Variants in AKNA observed in about 807,000 individuals in gnomAD.
AKNA encodes AT-hook transcription factor.
In AKNA, 67 loss-of-function variants were observed where a neutral mutation model predicts 138.8. The observed-to-expected ratio is 0.48, with a 90% CI of 0.40 to 0.59. AKNA has a LOEUF of 0.59. AKNA is among the 20% of genes least tolerant of loss of function. AKNA has a pLI of 0.00. For missense variants in AKNA, 1,813 were observed against 1,880.4 expected, an observed-to-expected ratio of 0.96 and a Z score of 0.66; for synonymous variants, 737 against 754.4, an observed-to-expected ratio of 0.98 and a Z score of 0.38.
chr9:114,366,149 C>T (rs776255810), intron 6 of AKNA, among the ~76,000 whole-genome samples: 1 of 151,838 alleles, frequency 6.6e-6, no homozygotes, highest in Non-Finnish European at 1.5e-5. Context: ...CATGGTGGCG[C>T]GTGCCTGTAA....
chr9:114,359,468 T>C, intron 11 of AKNA, 126 bp downstream of exon 11: 4 of 1,555,384 alleles, frequency 2.6e-6, no homozygotes, highest in Non-Finnish European at 3.5e-6. Flanking sequence ...CATTCCACAC[T>C]TGAAGAGGCA....
In AKNA at chr9:114,381,303, C is replaced by G. The variant is rs1477903314; in HGVS notation, c.31G>C (p.Ala11Pro). 2.5e-6 allele frequency: 4 copies of G among 1,606,076 alleles called. No individual in the cohort carries two copies. The Admixed American group carries it at 6.8e-5, about 27-fold the overall frequency. ...GGGCCCTTCCCCAGGCCAGGCTCAG[C>G]CCAGCGGATCTCAGTCTCCGAGCTG... MASSETEIRW[A>P]EPGLGKGPQR... The change falls in exon 2 of 22, where the codon GCT (alanine) becomes CCT (proline). Residue 11 changes from alanine (A) to proline (P), a missense_variant. Ala to Pro is a conservative substitution (Grantham distance 27). Coordinates refer to ENST00000374088, the MANE Select transcript of AKNA (RefSeq NM_001317950.2).
At chr9:114,349,014 G>A (rs1026132921) in intron 15 of AKNA, 4 of 454,172 alleles carry the variant, frequency 8.8e-6, no homozygotes, top group African/African-American at 8.0e-5. Context: ...GAGTGTGTGT[G>A]TCTGAGGGCA....
chr9:114,330,645 T>C (rs1829835665), downstream of AKNA: 1 of 1,599,462 alleles, frequency 6.3e-7, no homozygotes, highest in Non-Finnish European at 8.6e-7. Context: ...AGTCCCTCCT[T>C]CTTCCTGGCC....
intron 6 of AKNA, among the ~76,000 whole-genome samples, chr9:114,365,961 G>A (rs1408605205): frequency 2.0e-5 from 3 of 152,186 alleles, no homozygotes; most frequent in Non-Finnish European, 4.4e-5. Context: ...ATAGGACGAA[G>A]AAGAAATGTG....
chr9:114,377,542 C>T lies in AKNA; in HGVS notation c.275-10G>A. ...TCCTCTGCTTCAGCCTCTGGAAAGACAGGCCATTCACTTCTTAGCATATAC... is the reference window on the plus strand; with the variant it reads ...TCCTCTGCTTCAGCCTCTGGAAAGATAGGCCATTCACTTCTTAGCATATAC... On this transcript the variant is annotated splice_polypyrimidine_tract_variant and intron_variant, in intron 2 of 21. Coordinates refer to ENST00000374088, the MANE Select transcript of AKNA (RefSeq NM_001317950.2). 1 of 1,582,322 alleles carries T rather than the reference C, an allele frequency of 6.3e-7. No individual in the cohort carries two copies. The highest frequency in any genetic ancestry group is 8.6e-7 in the Non-Finnish European group (1 of 1,164,196).
chr9:114,337,012 T>TGGGGGGGGGC lies in AKNA; in HGVS notation c.*41_*42insGCCCCCCCCC. On this transcript the variant is annotated 3_prime_UTR_variant, in exon 22 of 22. Coordinates refer to ENST00000374088, the MANE Select transcript of AKNA (RefSeq NM_001317950.2). The stretch of plus-strand genomic sequence containing the variant: ...CCCACTCCTGGCCTGGCAGGCCACC[T>TGGGGGGGGGC]GCCCACCCACCCACCCATCTGCCTC... 2.5e-6 allele frequency: 3 copies of TGGGGGGGGGC among 1,208,224 alleles called. No individual in the cohort carries two copies. Among genetic ancestry groups the TGGGGGGGGGC allele is most frequent in the African/African-American group, 1.6e-5 (1 of 63,502 alleles). 74.8% of individuals were successfully genotyped at this position (1,208,224 alleles called of 1,614,324 possible).
chr9:114,359,344 C>T, intron 11 of AKNA: 1 of 714,008 alleles, frequency 1.4e-6, no homozygotes, highest in Non-Finnish European at 2.2e-6. Flanking sequence ...GCTGGGATTA[C>T]AGGCATGAGC....
chr9:114,356,469 C>T lies in AKNA; in HGVS notation c.2847-333G>A, dbSNP rs569982781. On this transcript the variant is annotated intron_variant, in intron 13 of 21. Coordinates refer to ENST00000374088, the MANE Select transcript of AKNA (RefSeq NM_001317950.2). ...GGCCTGCACCCAGCTTTGGAGGCTC[C>T]ATCCCTCCACTCTTCACCCCTGTCC... Among the ~76,000 whole-genome samples the T allele has an allele frequency of 1.1e-4, 16 of 152,284 alleles. No individual in the cohort carries two copies. In the South Asian group the frequency reaches 3.1e-3, roughly 30 times the overall value.
chr9:114,337,341 G>C (rs368031001), intron 21 of AKNA, 35 bp from the exon 22 acceptor site: 82 of 1,401,328 alleles, frequency 5.9e-5, no homozygotes, highest in Middle Eastern at 4.2e-4. Context: ...GTTACACATG[G>C]GGAGGGCTGG....
chr9:114,346,172 G>A (rs768566862), intron 17 of AKNA, among the ~76,000 whole-genome samples, 163 bp from the exon 18 acceptor site: 13 of 152,158 alleles, frequency 8.5e-5, no homozygotes, highest in African/African-American at 1.4e-4. Context: ...CCCTGCCCCC[G>A]TGCCAAGCGC....
At chr9:114,377,659 G>A in intron 2 of AKNA, 127 bp from the exon 3 acceptor site, 1 of 997,814 alleles carries the variant, frequency 1.0e-6, no homozygotes, top group East Asian at 2.6e-5. Flanking sequence ...GAATCCCAAG[G>A]TGGTGGTAGA....
chr9:114,388,795 C>T (rs1451335114), upstream of AKNA, among the ~76,000 whole-genome samples: 11 of 152,204 alleles, frequency 7.2e-5, no homozygotes, highest in African/African-American at 2.7e-4. Flanking sequence ...CAGTCCCCTG[C>T]TCTCCACTCT....
In AKNA at chr9:114,337,192, G is replaced by A. The variant is rs1362698099; in HGVS notation, c.4182C>T (p.Asp1394=). ...HRHSIQLDLG[D]LEELNKALSR... The stretch of plus-strand genomic sequence containing the variant: ...TCAGGGCCTTGTTGAGCTCCTCTAG[G>A]TCGCCCAGGTCGAGCTGGATGGAGT... Residue 1394 remains aspartate, a synonymous_variant, in exon 22 of 22, where the codon GAC becomes GAT. Transcript: ENST00000374088. 6.3e-7 allele frequency: 1 copy of A among 1,599,252 alleles called. No homozygotes were observed. Among genetic ancestry groups the A allele is most frequent in the East Asian group, 2.3e-5 (1 of 44,356 alleles).
intron 4 of AKNA, among the ~76,000 whole-genome samples, chr9:114,372,964 C>CGGGGGG (rs558347748): frequency 3.8e-5 from 1 of 26,162 alleles, no homozygotes; most frequent in African/African-American, 1.3e-4. Flanking sequence ...GGGGACGCAG[C>CGGGGGG]GGGGGGGGGG....
At chr9:114,362,191 G>T (rs1832018660) in intron 8 of AKNA, among the ~76,000 whole-genome samples, 1 of 152,172 alleles carries the variant, frequency 6.6e-6, no homozygotes, top group Non-Finnish European at 1.5e-5. Context: ...CATCCAATAA[G>T]GGTTTCAAGG....
At chr9:114,349,352 C>G (rs568546094) in intron 15 of AKNA, among the ~76,000 whole-genome samples, 1 of 152,322 alleles carries the variant, frequency 6.6e-6, no homozygotes, top group South Asian at 2.1e-4. Flanking sequence ...ACCTGACTAG[C>G]CAGACAGAAC....
intron 6 of AKNA, among the ~76,000 whole-genome samples, chr9:114,366,105 C>CA (rs1832332205): frequency 1.3e-5 from 2 of 151,848 alleles, no homozygotes; most frequent in African/African-American, 4.8e-5. Context: ...ATGGTGAAAC[C>CA]CCATCTCTAC....
In AKNA at chr9:114,347,739, C is replaced by A. The variant is rs1386527053; in HGVS notation, c.3383G>T (p.Gly1128Val). The A allele has an allele frequency of 6.5e-7, 1 of 1,532,064 alleles. No homozygotes were observed. Among genetic ancestry groups the A allele is most frequent in the Non-Finnish European group, 8.8e-7 (1 of 1,138,490 alleles). 94.9% of individuals were successfully genotyped at this position (1,532,064 alleles called of 1,614,324 possible). A position where few individuals can be genotyped will look rare whatever the true frequency, so the allele number is the denominator to read the frequency against. Residue 1128 changes from glycine to valine, a missense_variant, in exon 16 of 22, where the codon GGC (glycine) becomes GTC (valine). By Grantham distance (109) the Gly-to-Val change is moderately radical. Transcript: ENST00000374088. ...GGTCACCCACCTGCCATAATGGGAG[C>A]CCCAGGTGGCTGGGGAGTCTGCTGG... ...GRPADSPATW[G>V]SHYGSKSTER...
Sources: allele counts gnomAD v4.1 joint callset (sites outside exome capture counted in the v4.1 genomes callset), GRCh38; gene constraint gnomAD v4.1.1; transcripts MANE v1.5; gene names NCBI Gene and HGNC (gene_info 2026-07-23, HGNC 2026-07-21).